Variants in TULP4 observed in about 807,000 individuals in gnomAD.
TULP4 encodes TUB like protein 4.
A neutral mutation model predicts 129.0 loss-of-function variants in TULP4; 16 were observed. The ratio of observed to expected loss-of-function variants is 0.12; its 90% CI spans 0.08 to 0.19. TULP4 has a LOEUF of 0.19. Ranked by LOEUF, TULP4 falls within the 10% of genes least tolerant of loss-of-function variation. The pLI is 1.00. For missense variants in TULP4, 1,842 were observed against 2,059.1 expected, an observed-to-expected ratio of 0.89 and a Z score of 2.04; for synonymous variants, 998 against 854.0, an observed-to-expected ratio of 1.17 and a Z score of -2.94.
chr6:158,303,220 C>G (rs778732569), intron 1 of TULP4, among the ~76,000 whole-genome samples: 6 of 151,742 alleles, frequency 4.0e-5, no homozygotes, highest in Non-Finnish European at 8.8e-5. Context: ...GAGCAATTGA[C>G]TCACCAGCCA....
rs1227414541 is a variant in TULP4, at chr6:158,461,747, A to T, written c.1026+18A>T. 1 of 1,610,118 alleles carries T rather than the reference A, an allele frequency of 6.2e-7. No homozygotes were observed. Among genetic ancestry groups the T allele is most frequent in the East Asian group, 2.2e-5 (1 of 44,820 alleles). On this transcript the variant is annotated intron_variant, in intron 6 of 13. Coordinates refer to ENST00000367097, the MANE Select transcript of TULP4 (RefSeq NM_020245.5). ...TCGTGCAGGTAAGGATGTTCTCTGGAAACAAGTACATTTTCAGCAGTATAC... is the reference window on the plus strand; with the variant it reads ...TCGTGCAGGTAAGGATGTTCTCTGGTAACAAGTACATTTTCAGCAGTATAC...
chr6:158,492,232 T>C (rs1020382642), intron 9 of TULP4, among the ~76,000 whole-genome samples: 1 of 152,216 alleles, frequency 6.6e-6, no homozygotes, highest in Non-Finnish European at 1.5e-5. Context: ...GTGGCATTCT[T>C]CTTTTGTGGT....
chr6:158,489,671 G>A lies in TULP4; in HGVS notation c.1570G>A (p.Asp524Asn), dbSNP rs2128254524. Residue 524 changes from aspartate (D) to asparagine (N), a missense_variant, in exon 9 of 14, where the codon GAC (aspartate) becomes AAC (asparagine). This residue lies in a region of TULP4 where 456 missense variants were observed against 534.3 expected (regional missense o/e 0.85). Transcript: ENST00000367097. ...SDSSDIELSD[D>N]WAAKKSPKIS... ...CTCCAGTGACATTGAGCTGAGTGAT[G>A]ACTGGGCTGCCAAGAAATCTCCCAA... 3 of 1,614,218 alleles carry A rather than the reference G, an allele frequency of 1.9e-6. No individual in the cohort carries two copies. The East Asian group carries it at 6.7e-5, about 36-fold the overall frequency.
chr6:158,467,342 C>T (rs1399841940), intron 6 of TULP4, among the ~76,000 whole-genome samples: 10 of 146,860 alleles, frequency 6.8e-5, no homozygotes, highest in African/African-American at 2.2e-4. Flanking sequence ...TGCAATGTTG[C>T]GATCAGCGTT....
chr6:158,372,975 C>A (rs1230344743), intron 1 of TULP4, among the ~76,000 whole-genome samples: 1 of 152,166 alleles, frequency 6.6e-6, no homozygotes, highest in African/African-American at 2.4e-5. Flanking sequence ...AAACTTTTAG[C>A]ATTGTGTATC....
chr6:158,419,794 A>G (rs906059135), intron 2 of TULP4, among the ~76,000 whole-genome samples: 4 of 152,258 alleles, frequency 2.6e-5, no homozygotes, highest in Admixed American at 2.6e-4. Flanking sequence ...TTAAATATGT[A>G]TACACTTATT....
chr6:158,255,223 T>C (rs1287986296), intron 1 of TULP4, among the ~76,000 whole-genome samples: 1 of 152,194 alleles, frequency 6.6e-6, no homozygotes, highest in Non-Finnish European at 1.5e-5. Context: ...TTGGCAGTTG[T>C]AGACACTGTT....
At chr6:158,278,339 G>A (rs1778682313), upstream of TULP4, among the ~76,000 whole-genome samples, 1 of 151,396 alleles carries the variant, frequency 6.6e-6, no homozygotes, top group Non-Finnish European at 1.5e-5. Context: ...TTGTTTTGAT[G>A]TAGTGCATTT....
At chr6:158,332,770 T>C (rs1012036206) in intron 1 of TULP4, among the ~76,000 whole-genome samples, 2 of 152,132 alleles carry the variant, frequency 1.3e-5, no homozygotes, top group South Asian at 2.1e-4. Flanking sequence ...CCCTGGAAGT[T>C]TCAGGAACTA....
chr6:158,311,360 G>A (rs1484996205), upstream of TULP4, among the ~76,000 whole-genome samples: 2 of 152,160 alleles, frequency 1.3e-5, no homozygotes, highest in East Asian at 1.9e-4. Flanking sequence ...AAGGACTGGC[G>A]GGGCGGGAGG....
chr6:158,351,944 G>GCCC (rs1299068353), intron 1 of TULP4, among the ~76,000 whole-genome samples: 5 of 151,778 alleles, frequency 3.3e-5, no homozygotes, highest in Non-Finnish European at 7.4e-5. Context: ...CTGGTCTTGA[G>GCCC]CCCCTGACCT....
At chr6:158,335,794 T>A (rs1026350608) in intron 1 of TULP4, among the ~76,000 whole-genome samples, 3 of 152,368 alleles carry the variant, frequency 2.0e-5, no homozygotes, top group African/African-American at 7.2e-5. Flanking sequence ...TGGTGTGCCA[T>A]TATGTATACA....
intron 8 of TULP4, among the ~76,000 whole-genome samples, chr6:158,487,688 T>A (rs558679139): frequency 6.6e-5 from 10 of 152,254 alleles, no homozygotes; most frequent in Non-Finnish European, 1.3e-4. Context: ...ATGTGGAGCT[T>A]ATGTCATGCA....
chr6:158,452,489 G>T (rs774391370), intron 5 of TULP4, among the ~76,000 whole-genome samples: 2 of 152,190 alleles, frequency 1.3e-5, no homozygotes, highest in Non-Finnish European at 2.9e-5. Context: ...CTGACATTCA[G>T]TCTTTGTCTT....
At position 158,503,753 on chromosome 6, in the gene TULP4, A is replaced by G. The variant is rs943760430; in HGVS notation, c.4090A>G (p.Thr1364Ala). Reference protein sequence around the residue: ...TEGKVKKEARTLSDFNSLISS... With the variant: ...TEGKVKKEARALSDFNSLISS... Reference sequence around the variant, plus strand: ...GGGCAAAGTGAAGAAGGAGGCTAGGACTTTGAGTGACTTTAATTCCCTAAT... The same window carrying G: ...GGGCAAAGTGAAGAAGGAGGCTAGGGCTTTGAGTGACTTTAATTCCCTAAT... The change falls in exon 13 of 14, where the codon ACT becomes GCT. Residue 1364 changes from threonine (T) to alanine (A), a missense_variant. This residue lies in a region of TULP4 where 1,089 missense variants were observed against 987.1 expected (regional missense o/e 1.10). Transcript: ENST00000367097. The surrounding 1 kb of genome is among the most constrained non-coding windows in gnomAD (Gnocchi z 4.3). 1 of 1,614,128 alleles carries G rather than the reference A, an allele frequency of 6.2e-7. No individual in the cohort carries two copies. Among genetic ancestry groups the G allele is most frequent in the Admixed American group, 1.7e-5 (1 of 60,030 alleles).
chr6:158,458,771 A>T (rs1049934379), intron 5 of TULP4, among the ~76,000 whole-genome samples: 22 of 152,178 alleles, frequency 1.4e-4, no homozygotes, highest in Non-Finnish European at 2.9e-5. Flanking sequence ...TGATTTTCCC[A>T]CTAATTTCTG....
At position 158,240,338 on chromosome 6, in the gene TULP4, C is replaced by T. The variant is rs1457097819; in HGVS notation, n.68+8035C>T. ...CTCCCGGACGGGGCGGCTGGCCGGG[C>T]GGGGGGCTGACTCCCCCACCTCCCT... On this transcript the variant is annotated intron_variant and non_coding_transcript_variant, in intron 1 of 1. Transcript: ENST00000620026. Among the ~76,000 whole-genome samples, 2 of 78,094 alleles carry T rather than the reference C, an allele frequency of 2.6e-5. 1 individual carries two copies. The highest frequency in any genetic ancestry group is 5.5e-5 in the Non-Finnish European group (2 of 36,162). The allele number at this position is 78,094 out of a possible 152,430, so 51.2% of individuals were successfully genotyped here.
intron 1 of TULP4, among the ~76,000 whole-genome samples, chr6:158,387,092 A>G (rs1241591629): frequency 6.6e-6 from 1 of 152,200 alleles, no homozygotes; most frequent in Non-Finnish European, 1.5e-5. Context: ...GTGTGGGCCC[A>G]CAGTGCTGCT....
At chr6:158,257,010 T>C (rs1192755345) in intron 1 of TULP4, among the ~76,000 whole-genome samples, 1 of 152,168 alleles carries the variant, frequency 6.6e-6, no homozygotes, top group African/African-American at 2.4e-5. Flanking sequence ...CAGTGATTTC[T>C]GAGGAGTGAG....
Sources: allele counts gnomAD v4.1 joint callset (sites outside exome capture counted in the v4.1 genomes callset), GRCh38; gene constraint gnomAD v4.1.1; regional missense constraint gnomAD v4.1.1; non-coding constraint Gnocchi (gnomAD v3.1); transcripts MANE v1.5; gene names NCBI Gene and HGNC (gene_info 2026-07-23, HGNC 2026-07-21).